CHM: variants seen among roughly 807,000 people sequenced by gnomAD.
The protein encoded by CHM is CHM Rab escort protein.
A neutral mutation model predicts 49.0 loss-of-function variants in CHM; 10 were observed. The observed-to-expected ratio is 0.20, with a 90% CI of 0.13 to 0.35. The LOEUF is 0.35. CHM is among the 10% of genes least tolerant of loss of function. The pLI, the probability that CHM is intolerant of heterozygous loss-of-function variation, is 1.00. For synonymous variants in CHM, 184 were observed against 167.5 expected (o/e 1.10, Z -0.76); for missense variants, 455 against 478.4 (o/e 0.95, Z 0.46).
intron 2 of CHM, among the ~76,000 whole-genome samples, chrX:85,999,205 T>C (rs989816311): frequency 1.8e-5 from 2 of 111,436 alleles, no homozygotes; most frequent in Non-Finnish European, 3.8e-5. Context: ...ATGAATATGC[T>C]TACTTGGTGA....
intron 3 of CHM, 129 bp from the exon 4 acceptor site, chrX:85,979,020 T>C: frequency 1.5e-6 from 1 of 651,970 alleles, no homozygotes; most frequent in Non-Finnish European, 2.2e-6. Flanking sequence ...GGATATCACC[T>C]CAGAGTCACC....
intron 8 of CHM, among the ~76,000 whole-genome samples, chrX:85,940,532 G>A (rs141634274): frequency 1.8e-5 from 2 of 110,637 alleles, no homozygotes; most frequent in African/African-American, 6.6e-5. Flanking sequence ...TTGGGTGAAG[G>A]TAGTGGCATC....
intron 4 of CHM, among the ~76,000 whole-genome samples, chrX:85,965,563 T>C (rs1051988170): frequency 9.0e-6 from 1 of 111,346 alleles, no homozygotes; most frequent in Non-Finnish European, 1.9e-5. Flanking sequence ...GTGCAGACTA[T>C]TTTTGTTTCA....
At chrX:85,947,834 T>A (rs1206110623) in intron 8 of CHM, among the ~76,000 whole-genome samples, 1 of 112,268 alleles carries the variant, frequency 8.9e-6, no homozygotes, top group Non-Finnish European at 1.9e-5. Context: ...GTTCAACAAT[T>A]GGTAAAAACG....
intron 11 of CHM, among the ~76,000 whole-genome samples, chrX:85,897,063 ATATAT>A (rs1248390241): frequency 2.2e-5 from 2 of 92,362 alleles, no homozygotes; most frequent in African/African-American, 8.7e-5. Flanking sequence ...ACATTACATA[ATATAT>A]TATATATTAA....
At chrX:85,914,200 C>A (rs1012907418) in intron 8 of CHM, among the ~76,000 whole-genome samples, 1 of 110,750 alleles carries the variant, frequency 9.0e-6, no homozygotes, top group African/African-American at 3.3e-5. Flanking sequence ...AGGTTTGGCA[C>A]GGGAAGAGTT....
intron 1 of CHM, among the ~76,000 whole-genome samples, chrX:86,030,182 T>C (rs1159090107): frequency 8.9e-6 from 1 of 112,398 alleles, no homozygotes; most frequent in Non-Finnish European, 1.9e-5. Flanking sequence ...TGGATTTCAA[T>C]ACTGAACATG....
intron 8 of CHM, among the ~76,000 whole-genome samples, chrX:85,948,265 T>C (rs1929527217): frequency 8.9e-6 from 1 of 112,063 alleles, no homozygotes; most frequent in Non-Finnish European, 1.9e-5. Flanking sequence ...GGAAAATATA[T>C]TGTGAGCGTT....
At chrX:85,936,012 C>T (rs1319834952) in intron 8 of CHM, among the ~76,000 whole-genome samples, 4 of 111,831 alleles carry the variant, frequency 3.6e-5, no homozygotes, top group African/African-American at 1.3e-4. Flanking sequence ...TTACTAAGCA[C>T]CTACTATGTG....
intron 2 of CHM, among the ~76,000 whole-genome samples, chrX:86,020,887 GATAT>G (rs1293516432): frequency 1.0e-5 from 1 of 99,004 alleles, no homozygotes; most frequent in Non-Finnish European, 2.0e-5. Context: ...ATATATATCT[GATAT>G]ATATGATAGA....
intron 7 of CHM, 32 bp from the exon 8 acceptor site, chrX:85,956,410 T>G: frequency 8.4e-7 from 1 of 1,187,348 alleles, no homozygotes; most frequent in Non-Finnish European, 1.1e-6. Flanking sequence ...TCACTTAAAA[T>G]CAGAACTAAA....
At chrX:85,950,621 A>C (rs1167771817) in intron 8 of CHM, among the ~76,000 whole-genome samples, 1 of 111,542 alleles carries the variant, frequency 9.0e-6, no homozygotes, top group African/African-American at 3.3e-5. Flanking sequence ...AGAAGAGAAA[A>C]GGAAGAAAAA....
At chrX:86,024,472 T>G (rs1280055655) in intron 2 of CHM, among the ~76,000 whole-genome samples, 1 of 112,228 alleles carries the variant, frequency 8.9e-6, no homozygotes, top group Non-Finnish European at 1.9e-5. Flanking sequence ...CTTTTAAACT[T>G]GGAAAATCAC....
chrX:85,952,054 C>T (rs1438635495), intron 8 of CHM, among the ~76,000 whole-genome samples: 1 of 112,132 alleles, frequency 8.9e-6, no homozygotes, highest in Non-Finnish European at 1.9e-5. Context: ...ATCCCAGCAG[C>T]TGGAACTCGA....
intron 2 of CHM, among the ~76,000 whole-genome samples, chrX:86,007,957 C>T (rs1040439005): frequency 8.9e-6 from 1 of 112,019 alleles, no homozygotes; most frequent in African/African-American, 3.2e-5. Context: ...CACATGCACA[C>T]GTATGTTTAT....
chrX:85,910,781 C>T (rs1394116614), intron 9 of CHM, among the ~76,000 whole-genome samples: 4 of 108,787 alleles, frequency 3.7e-5, no homozygotes, highest in Non-Finnish European at 7.6e-5. Flanking sequence ...TAGGTGAATT[C>T]CATTTTTAAA....
At chrX:86,006,790 C>A (rs951954129) in intron 2 of CHM, among the ~76,000 whole-genome samples, 4 of 111,937 alleles carry the variant, frequency 3.6e-5, no homozygotes, top group Non-Finnish European at 7.5e-5. Flanking sequence ...ACATTCCATT[C>A]GCATGGATAG....
chrX:85,957,816 G>A lies in CHM; in HGVS notation c.940+39C>T, dbSNP rs182264297. 2.5e-6 allele frequency: 3 copies of A among 1,183,872 alleles called. No individual in the cohort carries two copies. In the Admixed American group the frequency reaches 6.8e-5, roughly 27 times the overall value. On this transcript the variant is annotated intron_variant, in intron 7 of 14. Transcript: ENST00000357749. ...CAAGCATATTAAAATAGTAAGAAAT[G>A]TCAAATAATTGGAGAGCACTACTTA...
chrX:85,873,290 C>T (rs771743006), intron 13 of CHM, 78 bp from the exon 14 acceptor site: 4 of 745,166 alleles, frequency 5.4e-6, no homozygotes, highest in Admixed American at 5.9e-5. Context: ...AGCCTATTAC[C>T]GATTAAGCCA....
Sources: gnomAD v4.1 joint callset for allele counts (sites outside exome capture counted in the v4.1 genomes callset) on GRCh38, gnomAD v4.1.1 for gene constraint, MANE v1.5 for transcripts, NCBI Gene and HGNC (gene_info 2026-07-23, HGNC 2026-07-21) for gene names.